SOBP: variants seen among roughly 807,000 people sequenced by gnomAD.
SOBP encodes sine oculis-binding protein homolog.
A neutral mutation model predicts 53.6 loss-of-function variants in SOBP; 4 were observed. The observed-to-expected ratio is 0.07, with a 90% CI of 0.04 to 0.17. The LOEUF is 0.17. Ranked by LOEUF, SOBP falls within the 10% of genes least tolerant of loss-of-function variation. The pLI, the probability that SOBP is intolerant of heterozygous loss-of-function variation, is 1.00. For synonymous variants in SOBP, 584 were observed against 522.6 expected, an observed-to-expected ratio of 1.12 and a Z score of -1.60; for missense variants, 1,088 against 1,204.7, an observed-to-expected ratio of 0.90 and a Z score of 1.43.
chr6:107,558,603 C>T (rs957030942), intron 4 of SOBP, among the ~76,000 whole-genome samples: 30 of 151,768 alleles, frequency 2.0e-4, no homozygotes, highest in African/African-American at 5.6e-4. Context: ...AGGGGCAGGG[C>T]GATTTATGTA....
chr6:107,533,271 CAAAAAAAAAA>C lies in SOBP; in HGVS notation c.422-172_422-163del, dbSNP rs762864049. Among the ~76,000 whole-genome samples the C allele has an allele frequency of 7.1e-3, 233 of 32,826 alleles. 3 individuals carry two copies. Among genetic ancestry groups the C allele is most frequent in the African/African-American group, 0.022 (225 of 10,206 alleles). The allele number at this position is 32,826 out of a possible 152,430, so 21.5% of individuals were successfully genotyped here. Reference sequence around the variant, plus strand: ...AAATGTCTTTTGGAAACTTAGGAGCCAAAAAAAAAAAAAAAAAAAAAAAAAGAGAGAGAGA... The same window carrying C: ...AAATGTCTTTTGGAAACTTAGGAGCCAAAAAAAAAAAAAAAGAGAGAGAGA... On this transcript the variant is annotated intron_variant, in intron 3 of 6. Transcript: ENST00000317357.
At chr6:107,615,978 TA>T (rs1399919430) in intron 5 of SOBP, among the ~76,000 whole-genome samples, 3 of 148,944 alleles carry the variant, frequency 2.0e-5, no homozygotes, top group African/African-American at 7.5e-5. Flanking sequence ...GCTAGGATCA[TA>T]CCACTGCACT....
intron 4 of SOBP, among the ~76,000 whole-genome samples, chr6:107,580,298 A>G (rs1409161175): frequency 1.3e-5 from 2 of 152,178 alleles, no homozygotes; most frequent in East Asian, 1.9e-4. Flanking sequence ...ACTCTCTACA[A>G]TCTGTTCAGT....
chr6:107,607,162 A>G (rs1042019572), intron 5 of SOBP, among the ~76,000 whole-genome samples: 1 of 152,178 alleles, frequency 6.6e-6, no homozygotes, highest in Admixed American at 6.5e-5. Context: ...TTGTCACACT[A>G]TAAATCATGG....
At chr6:107,569,556 T>C (rs1785011044) in intron 4 of SOBP, among the ~76,000 whole-genome samples, 1 of 152,194 alleles carries the variant, frequency 6.6e-6, no homozygotes, top group African/African-American at 2.4e-5. Context: ...CTTTGGCTTT[T>C]TTTGGCTAGT....
chr6:107,492,486 G>A (rs1782603620), intron 1 of SOBP, among the ~76,000 whole-genome samples: 1 of 152,160 alleles, frequency 6.6e-6, no homozygotes, highest in Admixed American at 6.5e-5. Flanking sequence ...TATCCCGGCT[G>A]GATATAAAGG....
At position 107,554,795 on chromosome 6, in the gene SOBP, G is replaced by T. The variant is rs147801430; in HGVS notation, c.573+21185G>T. Among the ~76,000 whole-genome samples, 430 of 152,256 alleles carry T rather than the reference G, an allele frequency of 2.8e-3. 3 individuals carry two copies. Among genetic ancestry groups the T allele is most frequent in the African/African-American group, 9.8e-3 (406 of 41,560 alleles). On this transcript the variant is annotated intron_variant, in intron 4 of 6. Coordinates refer to ENST00000317357, the MANE Select transcript of SOBP (RefSeq NM_018013.4). ...GCCACCATCCCAATAGACATAGGAA[G>T]CAATTTCTCTTCAGGTTTTGAGATG...
chr6:107,583,611 G>A (rs1461901339), intron 4 of SOBP, among the ~76,000 whole-genome samples: 1 of 151,934 alleles, frequency 6.6e-6, no homozygotes, highest in Non-Finnish European at 1.5e-5. Flanking sequence ...ACATAACCTC[G>A]AAGTGCTGGG....
chr6:107,634,233 G>A lies in SOBP; in HGVS notation c.1389G>A (p.Pro463=), dbSNP rs377021315. 5.8e-5 allele frequency: 76 copies of A among 1,309,380 alleles called. No homozygotes were observed. Among genetic ancestry groups the A allele is most frequent in the South Asian group, 5.5e-4 (27 of 49,120 alleles). The allele number at this position is 1,309,380 out of a possible 1,614,324, so 81.1% of individuals were successfully genotyped here. Residue 463 remains proline, a synonymous_variant, in exon 6 of 7, where the codon CCG becomes CCA. Coordinates refer to ENST00000317357, the MANE Select transcript of SOBP (RefSeq NM_018013.4). The surrounding 1 kb of genome is among the most constrained non-coding windows in gnomAD (Gnocchi z 4.5). ...RPMLSPHIHP[P]STPTMPGNPP... is the part of the protein sequence containing the mutation. The stretch of plus-strand genomic sequence containing the variant: ...TGCTATCGCCCCACATCCACCCCCC[G>A]AGCACCCCCACCATGCCCGGGAACC...
At chr6:107,506,208 T>G in intron 2 of SOBP, 34 bp from the exon 3 acceptor site, 1 of 1,592,626 alleles carries the variant, frequency 6.3e-7, no homozygotes, top group African/African-American at 1.3e-5. Context: ...TTACATTCCT[T>G]GGTCACATTG....
intron 5 of SOBP, among the ~76,000 whole-genome samples, chr6:107,621,898 G>A (rs780894543): frequency 6.6e-6 from 1 of 152,162 alleles, no homozygotes; most frequent in Non-Finnish European, 1.5e-5. Flanking sequence ...TGTTTTGTTG[G>A]TTTGGGTTTC....
chr6:107,578,373 G>A (rs1662540538), intron 4 of SOBP, among the ~76,000 whole-genome samples: 1 of 152,080 alleles, frequency 6.6e-6, no homozygotes, highest in African/African-American at 2.4e-5. Flanking sequence ...TTTTTAAAAT[G>A]TAATGACACC....
rs200185834 is a variant in SOBP at position 107,566,003 on chromosome 6, T to G, written c.574-21077T>G. Among the ~76,000 whole-genome samples the G allele has an allele frequency of 3.3e-5, 5 of 152,312 alleles. No homozygotes were observed. The East Asian group carries it at 9.6e-4, about 29-fold the overall frequency. ...AAACAAATTTTTAAAATTTGTCCCTTGCTAAGGGAGCTGACATCTGCCACT... is the reference window on the plus strand; with the variant it reads ...AAACAAATTTTTAAAATTTGTCCCTGGCTAAGGGAGCTGACATCTGCCACT... On this transcript the variant is annotated intron_variant, in intron 4 of 6. Coordinates refer to ENST00000317357, the MANE Select transcript of SOBP (RefSeq NM_018013.4).
intron 5 of SOBP, among the ~76,000 whole-genome samples, chr6:107,611,799 G>T (rs540289131): frequency 1.3e-5 from 2 of 152,278 alleles, no homozygotes; most frequent in South Asian, 4.1e-4. Flanking sequence ...ACAGTCAAAT[G>T]AGCAGGAATA....
intron 4 of SOBP, among the ~76,000 whole-genome samples, chr6:107,542,629 G>A (rs1404310662): frequency 6.6e-6 from 1 of 152,164 alleles, no homozygotes; most frequent in Non-Finnish European, 1.5e-5. Flanking sequence ...AAAGTTGGGT[G>A]TGTCTGGCAA....
At chr6:107,529,484 C>T in intron 3 of SOBP, 1 of 985,406 alleles carries the variant, frequency 1.0e-6, no homozygotes, top group Non-Finnish European at 1.2e-6. Context: ...ATAGATGTCC[C>T]AGCAAATACT....
intron 1 of SOBP, among the ~76,000 whole-genome samples, chr6:107,493,011 G>A (rs1173558332): frequency 6.6e-6 from 1 of 152,002 alleles, no homozygotes; most frequent in East Asian, 1.9e-4. Context: ...AAAGTCAAAA[G>A]GTGGAAGGAT....
At chr6:107,548,534 G>C (rs530881473) in intron 4 of SOBP, among the ~76,000 whole-genome samples, 9 of 152,080 alleles carry the variant, frequency 5.9e-5, no homozygotes, top group African/African-American at 2.2e-4. Context: ...GAGCCACCGC[G>C]CCCAGCCAAC....
chr6:107,544,785 C>T (rs1457189119), intron 4 of SOBP, among the ~76,000 whole-genome samples: 1 of 147,226 alleles, frequency 6.8e-6, no homozygotes, highest in Non-Finnish European at 1.5e-5. Context: ...AATGATAACC[C>T]CATTTATCCA....
Sources: gnomAD v4.1 joint callset for allele counts (sites outside exome capture counted in the v4.1 genomes callset) on GRCh38, gnomAD v4.1.1 for gene constraint, Gnocchi (gnomAD v3.1) non-coding constraint, MANE v1.5 for transcripts, NCBI Gene and HGNC (gene_info 2026-07-23, HGNC 2026-07-21) for gene names.